IRAG1: variants seen among roughly 807,000 people sequenced by gnomAD.
The protein encoded by IRAG1 is IP3R-associated cGMP kinase substrate.
IRAG1 carries 62 observed loss-of-function variants against 106.2 expected under a neutral mutation model. The observed-to-expected ratio is 0.58, with a 90% confidence interval of 0.48 to 0.72. IRAG1 has a LOEUF of 0.72. Ranked by LOEUF, IRAG1 falls within the 30% of genes least tolerant of loss-of-function variation. IRAG1 has a pLI of 0.00. For missense variants in IRAG1, 1,064 were observed against 1,140.7 expected (o/e 0.93, Z 0.97); for synonymous variants, 462 against 443.9 (o/e 1.04, Z -0.51).
At position 10,609,824 on chromosome 11, in the gene IRAG1, A is replaced by G. The variant is rs1210147184; in HGVS notation, c.1475T>C (p.Ile492Thr). Residue 492 changes from isoleucine to threonine, a missense_variant, in exon 11 of 21, where the codon ATT becomes ACT. By Grantham distance (89) the Ile-to-Thr change is moderately conservative. Transcript: ENST00000423302. ...GCCACTCTTTGACTCTTCTTCCTCA[A>G]TAGCTGGGGAGAGTTCAGAAGGAAG... is the stretch of plus-strand genomic sequence containing the variant. ...KGLPSELSPA[I>T]EEEESKSGLD... 1.9e-6 allele frequency: 3 copies of G among 1,613,872 alleles called. No homozygotes were observed. The highest frequency in any genetic ancestry group is 1.7e-5 in the Admixed American group (1 of 60,002).
intron 8 of IRAG1, 85 bp from the exon 9 acceptor site, chr11:10,626,668 C>G (rs1290151772): frequency 1.9e-5 from 27 of 1,434,008 alleles, no homozygotes; most frequent in Non-Finnish European, 2.4e-5. Flanking sequence ...GAGTCTCTGC[C>G]CCCACACACC....
Position 10,643,824 on chromosome 11 carries a change from G to A in IRAG1, c.225+8201C>T, listed in dbSNP as rs1857731200. ...ACACATGTGAAAGGCACAGTCTGTG[G>A]CCCGCAAGTAGCTCACACATAGCCT... On this transcript the variant is annotated intron_variant, in intron 2 of 20. Transcript: ENST00000423302. Among the ~76,000 whole-genome samples, 3 of 152,308 alleles carry A rather than the reference G, an allele frequency of 2.0e-5. 1 individual carries two copies. The Middle Eastern group carries it at 0.01, about 518-fold the overall frequency.
chr11:10,689,816 G>A (rs1000512776), intron 1 of IRAG1, among the ~76,000 whole-genome samples: 2 of 152,158 alleles, frequency 1.3e-5, no homozygotes, highest in African/African-American at 2.4e-5. Context: ...ATAGAGAAAT[G>A]TAAAGGAAGA....
At chr11:10,592,890 G>T (rs1426940711) in intron 17 of IRAG1, among the ~76,000 whole-genome samples, 1 of 152,038 alleles carries the variant, frequency 6.6e-6, no homozygotes, top group East Asian at 1.9e-4. Flanking sequence ...GTACAAAACA[G>T]AATTATACTG....
intron 1 of IRAG1, among the ~76,000 whole-genome samples, chr11:10,685,648 G>A (rs2135245185): frequency 6.6e-6 from 1 of 151,300 alleles, no homozygotes; most frequent in South Asian, 2.1e-4. Flanking sequence ...TTGAGCCAGG[G>A]AGGTCAAGCC....
Position 10,609,760 on chromosome 11 carries a change from G to A in IRAG1, c.1539C>T (p.Arg513=), listed in dbSNP as rs1163476014. The change falls in exon 11 of 21, where the codon CGC becomes CGT. Residue 513 remains arginine (R), a synonymous_variant. Transcript: ENST00000423302. ...VMPNISDVLL[R]KLRVHRSLPG... ...GGAGACTCCTGTGGACCCGCAGTTT[G>A]CGCAGCAGCACATCAGAAATATTAG... The A allele has an allele frequency of 6.2e-7, 1 of 1,613,874 alleles. No homozygotes were observed. Among genetic ancestry groups the A allele is most frequent in the Non-Finnish European group, 8.5e-7 (1 of 1,179,844 alleles).
chr11:10,574,335 G>C lies in IRAG1; in HGVS notation c.*1997C>G, dbSNP rs971169379. The C allele has an allele frequency of 2.6e-5, 4 of 152,172 alleles. No individual in the cohort carries two copies. Among genetic ancestry groups the C allele is most frequent in the Non-Finnish European group, 4.4e-5 (3 of 68,034 alleles). The allele number at this position is 152,172 out of a possible 1,614,324, so 9.4% of individuals were successfully genotyped here. A position where few individuals can be genotyped will look rare whatever the true frequency, so the allele number is the denominator to read the frequency against. On this transcript the variant is annotated 3_prime_UTR_variant, in exon 21 of 21. Transcript: ENST00000423302. Reference sequence around the variant, plus strand: ...TCTCCACCACCTTAAATGTTTGCTTGTTCTTTTGAGCAACATTTAATGACA... The same window carrying C: ...TCTCCACCACCTTAAATGTTTGCTTCTTCTTTTGAGCAACATTTAATGACA...
chr11:10,598,443 A>C (rs1853575340), intron 15 of IRAG1, among the ~76,000 whole-genome samples: 1 of 152,264 alleles, frequency 6.6e-6, no homozygotes, highest in Non-Finnish European at 1.5e-5. Flanking sequence ...TTTACATGTG[A>C]AGAGTTCATA....
chr11:10,650,571 G>A (rs538522545), intron 2 of IRAG1, among the ~76,000 whole-genome samples: 18 of 152,174 alleles, frequency 1.2e-4, no homozygotes, highest in Non-Finnish European at 2.2e-4. Flanking sequence ...GGATGCTAAG[G>A]AGACAGAGGC....
At chr11:10,629,082 C>T (rs186581112) in intron 5 of IRAG1, among the ~76,000 whole-genome samples, 328 of 152,214 alleles carry the variant, frequency 2.2e-3, no homozygotes, top group African/African-American at 7.6e-3. Flanking sequence ...CTGGCCTGAC[C>T]TCAAGGCACT....
intron 2 of IRAG1, among the ~76,000 whole-genome samples, chr11:10,648,350 C>A (rs1858150286): frequency 6.6e-6 from 1 of 152,170 alleles, no homozygotes; most frequent in Admixed American, 6.5e-5. Flanking sequence ...GGTGACAAAG[C>A]AAGACTCTGT....
intron 1 of IRAG1, chr11:10,687,555 G>A: frequency 1.4e-6 from 1 of 728,458 alleles, no homozygotes. Context: ...AGTCATACGG[G>A]TGATATTAGT....
rs371519706 is a variant in IRAG1, at chr11:10,680,460, A to AGAAG, written c.67+13072_67+13075dup. On this transcript the variant is annotated intron_variant, in intron 1 of 20. Coordinates refer to ENST00000423302, the MANE Select transcript of IRAG1 (RefSeq NM_130385.4). ...AGGAAGGAAAGAAAGGGAAAGAGAA[A>AGAAG]GAAGGAAGGAAGGAAGGAGAGGAAG... Among the ~76,000 whole-genome samples, 30 of 146,796 alleles carry AGAAG rather than the reference A, an allele frequency of 2.0e-4. No individual in the cohort carries two copies. In the South Asian group the frequency reaches 6.7e-3, roughly 33 times the overall value.
intron 10 of IRAG1, among the ~76,000 whole-genome samples, chr11:10,618,079 T>A (rs1275739994): frequency 6.6e-6 from 1 of 152,240 alleles, no homozygotes; most frequent in Admixed American, 6.5e-5. Context: ...CAGCCCACTG[T>A]TCCCACCTTG....
At chr11:10,685,924 A>G (rs939359534) in intron 1 of IRAG1, among the ~76,000 whole-genome samples, 1 of 152,168 alleles carries the variant, frequency 6.6e-6, no homozygotes, top group Non-Finnish European at 1.5e-5. Flanking sequence ...TTATCTTGAC[A>G]ACACCTAGCC....
intron 1 of IRAG1, among the ~76,000 whole-genome samples, chr11:10,684,008 T>C (rs1314916393): frequency 6.6e-6 from 1 of 152,182 alleles, no homozygotes; most frequent in Non-Finnish European, 1.5e-5. Flanking sequence ...ATATGATTTA[T>C]AATAAAGAAA....
At chr11:10,635,868 TGAG>T (rs1479790230) in intron 2 of IRAG1, among the ~76,000 whole-genome samples, 2 of 150,442 alleles carry the variant, frequency 1.3e-5, no homozygotes, top group East Asian at 3.9e-4. Context: ...GCCAGATCCT[TGAG>T]GAGATGTTCA....
rs2134568481 is a variant in IRAG1 at position 10,626,164 on chromosome 11, C to A, written c.1170G>T (p.Leu390=). The change falls in exon 9 of 21, where the codon CTG becomes CTT. Residue 390 remains leucine, a synonymous_variant. Transcript: ENST00000423302. ...GGCCACTGTCCCAGGAGAGCCCTCG[C>A]AGCAGCGGGGGCCGGGACACAGTGG... ...LPPTVSRPPL[L]RGLSWDSGPE... 1 of 1,541,372 alleles carries A rather than the reference C, an allele frequency of 6.5e-7. No homozygotes were observed. The highest frequency in any genetic ancestry group is 1.2e-5 in the South Asian group (1 of 80,322).
chr11:10,584,551 ATAT>A (rs1370463801), intron 18 of IRAG1, among the ~76,000 whole-genome samples: 23 of 15,640 alleles, frequency 1.5e-3, no homozygotes, highest in Non-Finnish European at 2.9e-3. Context: ...TTCATGAAAT[ATAT>A]ATATATATAT....
Sources: gnomAD v4.1 joint callset for allele counts (sites outside exome capture counted in the v4.1 genomes callset) on GRCh38, gnomAD v4.1.1 for gene constraint, MANE v1.5 for transcripts, NCBI Gene and HGNC (gene_info 2026-07-23, HGNC 2026-07-21) for gene names.